Variants in ZBTB37 observed in about 807,000 individuals in gnomAD.
ZBTB37 encodes zinc finger and BTB domain-containing protein 37.
ZBTB37 carries 15 observed loss-of-function variants against 37.7 expected under a neutral mutation model. The ratio of observed to expected loss-of-function variants is 0.40; its 90% confidence interval spans 0.27 to 0.61. The LOEUF is 0.61. Among genes scored for constraint, ZBTB37 ranks in the 20% least tolerant of loss-of-function variants. The pLI is 0.44. For missense variants in ZBTB37, 514 were observed against 641.9 expected (o/e 0.80, Z 2.15); for synonymous variants, 231 against 220.6 (o/e 1.05, Z -0.42).
chr1:173,885,105 G>A (rs191620695), intron 4 of ZBTB37, among the ~76,000 whole-genome samples: 9 of 152,250 alleles, frequency 5.9e-5, no homozygotes, highest in Admixed American at 4.6e-4. Context: ...GTGGTGGTGC[G>A]TGCTGGTGGT....
At chr1:173,898,430 C>T (rs1327999904) in exon 4 of ZBTB37, 1 of 149,018 alleles carries the variant, frequency 6.7e-6, no homozygotes, top group Non-Finnish European at 1.5e-5. Context: ...GGTTGCACTC[C>T]AGCCTGAGCA....
chr1:173,884,259 C>T (rs1284895962), intron 4 of ZBTB37, among the ~76,000 whole-genome samples: 1 of 151,600 alleles, frequency 6.6e-6, no homozygotes, highest in Non-Finnish European at 1.5e-5. Flanking sequence ...TCAAATGATC[C>T]TCACACCTCA....
chr1:173,872,218 G>GCC (rs1018662284), intron 3 of ZBTB37, among the ~76,000 whole-genome samples: 2 of 151,930 alleles, frequency 1.3e-5, no homozygotes, highest in Admixed American at 6.6e-5. Context: ...ACAGGTCCCT[G>GCC]CCCCCATGCT....
intron 2 of ZBTB37, among the ~76,000 whole-genome samples, chr1:173,869,877 C>T (rs550627679): frequency 5.1e-4 from 78 of 152,300 alleles, no homozygotes; most frequent in Non-Finnish European, 8.1e-4. Context: ...TTATAGTTAA[C>T]ACTTAAAAGT....
exon 4 of ZBTB37, chr1:173,901,002 T>C (rs1657233135): frequency 6.6e-6 from 1 of 152,178 alleles, no homozygotes; most frequent in African/African-American, 2.4e-5. Context: ...GAAGTAATGA[T>C]AAAAGATAAA....
chr1:173,894,653 G>A (rs1162066915), exon 4 of ZBTB37: 3 of 152,146 alleles, frequency 2.0e-5, no homozygotes, highest in East Asian at 1.9e-4. Flanking sequence ...ACTCTTGGTC[G>A]AAGAACTTAA....
At chr1:173,898,002 T>C (rs1436758183) in exon 4 of ZBTB37, 2 of 152,224 alleles carry the variant, frequency 1.3e-5, no homozygotes, top group African/African-American at 4.8e-5. Flanking sequence ...ATCCACTGGC[T>C]TCTGTTTGGC....
chr1:173,902,560 C>T (rs1261077715), exon 4 of ZBTB37: 1 of 152,220 alleles, frequency 6.6e-6, no homozygotes. Flanking sequence ...GCTAGACTGG[C>T]TTTGTGCATC....
exon 4 of ZBTB37, chr1:173,899,196 T>A (rs1057401000): frequency 6.8e-6 from 1 of 146,528 alleles, no homozygotes; most frequent in African/African-American, 2.6e-5. Context: ...ACCACGACTA[T>A]TTTTTTTTTT....
chr1:173,883,857 A>C (rs1429465120), intron 4 of ZBTB37, among the ~76,000 whole-genome samples: 1 of 149,616 alleles, frequency 6.7e-6, no homozygotes. Flanking sequence ...TTAAAAGGGC[A>C]CAAGATCTTC....
chr1:173,899,733 T>C (rs1657186866), exon 4 of ZBTB37: 1 of 152,206 alleles, frequency 6.6e-6, no homozygotes, highest in African/African-American at 2.4e-5. Flanking sequence ...CTAGTGGTCA[T>C]GGCAGGATAA....
exon 3 of ZBTB37, chr1:173,870,835 G>T (rs956954317): frequency 5.0e-6 from 8 of 1,614,124 alleles, no homozygotes; most frequent in Middle Eastern, 1.6e-4. Context: ...ACCAAGTTCT[G>T]ATGTAGAGAG....
exon 3 of ZBTB37, chr1:173,870,668 G>C: frequency 6.2e-7 from 1 of 1,614,186 alleles, no homozygotes; most frequent in East Asian, 2.2e-5. Context: ...CATCAAGAGA[G>C]ACCTCCAGAG....
chr1:173,882,591 C>T (rs1326781308), intron 4 of ZBTB37, among the ~76,000 whole-genome samples: 3 of 152,036 alleles, frequency 2.0e-5, no homozygotes, highest in South Asian at 2.1e-4. Flanking sequence ...AATTAGATCC[C>T]GTTTGTCTAT....
chr1:173,902,712 G>A (rs1657314502), exon 4 of ZBTB37: 1 of 151,526 alleles, frequency 6.6e-6, no homozygotes, highest in African/African-American at 2.4e-5. Flanking sequence ...TCCCTTTACC[G>A]AAAAAAAATG....
At chr1:173,876,957 C>T (rs749832148) in intron 4 of ZBTB37, among the ~76,000 whole-genome samples, 9 of 152,124 alleles carry the variant, frequency 5.9e-5, no homozygotes, top group Non-Finnish European at 8.8e-5. Context: ...TGATATATCC[C>T]GTTCCTCCTA....
intron 4 of ZBTB37, among the ~76,000 whole-genome samples, chr1:173,883,305 G>A (rs955159968): frequency 3.9e-5 from 6 of 152,068 alleles, no homozygotes; most frequent in African/African-American, 7.2e-5. Context: ...ACAGAGAAAC[G>A]CCATCTCTAC....
intron 4 of ZBTB37, among the ~76,000 whole-genome samples, chr1:173,884,469 A>T (rs1471903808): frequency 6.6e-6 from 1 of 152,068 alleles, no homozygotes; most frequent in Non-Finnish European, 1.5e-5. Flanking sequence ...TAAATCCAAG[A>T]TTTTTAAGTA....
intron 4 of ZBTB37, among the ~76,000 whole-genome samples, chr1:173,881,798 C>T (rs1572065036): frequency 6.6e-6 from 1 of 152,140 alleles, no homozygotes; most frequent in African/African-American, 2.4e-5. Context: ...CTCACACCTG[C>T]AATCCCAGCA....
Sources: gnomAD v4.1 joint callset for allele counts (sites outside exome capture counted in the v4.1 genomes callset) on GRCh38, gnomAD v4.1.1 for gene constraint, MANE v1.5 for transcripts, NCBI Gene and HGNC (gene_info 2026-07-23, HGNC 2026-07-21) for gene names.